GRM5: variants seen among roughly 807,000 people sequenced by gnomAD.
GRM5 encodes metabotropic glutamate receptor 5.
A neutral mutation model predicts 83.1 loss-of-function variants in GRM5; 19 were observed. The ratio of observed to expected loss-of-function variants is 0.23; its 90% CI spans 0.16 to 0.34. GRM5 has a LOEUF of 0.34. Ranked by LOEUF, GRM5 falls within the 10% of genes least tolerant of loss-of-function variation. GRM5 has a pLI of 1.00. For synonymous variants in GRM5, 675 were observed against 633.6 expected (o/e 1.07, Z -0.98); for missense variants, 1,160 against 1,588.3 (o/e 0.73, Z 4.58).
At chr11:88,944,423 G>GAT (rs929682511) in intron 2 of GRM5, among the ~76,000 whole-genome samples, 144 of 151,652 alleles carry the variant, frequency 9.5e-4, no homozygotes, top group African/African-American at 3.4e-3. Flanking sequence ...ATGATATTTT[G>GAT]ATATATATAT....
chr11:88,844,227 A>T (rs1378626986), intron 3 of GRM5, among the ~76,000 whole-genome samples: 4 of 152,144 alleles, frequency 2.6e-5, no homozygotes, highest in Non-Finnish European at 5.9e-5. Flanking sequence ...TTCTGAGAAG[A>T]CTAGGAAACT....
intron 2 of GRM5, among the ~76,000 whole-genome samples, chr11:88,856,246 C>G (rs546019820): frequency 4.0e-4 from 61 of 152,102 alleles, no homozygotes; most frequent in African/African-American, 1.4e-3. Flanking sequence ...GTAAAATTTT[C>G]TTTCCTTATG....
At chr11:88,821,115 A>T (rs984400204) in intron 3 of GRM5, among the ~76,000 whole-genome samples, 1 of 152,108 alleles carries the variant, frequency 6.6e-6, no homozygotes, top group Non-Finnish European at 1.5e-5. Flanking sequence ...AAAGGGCTCT[A>T]CATCAGTGTT....
intron 3 of GRM5, among the ~76,000 whole-genome samples, chr11:88,717,198 A>G (rs1375195345): frequency 2.6e-5 from 4 of 151,936 alleles, no homozygotes; most frequent in East Asian, 1.9e-4. Flanking sequence ...GATAATCAAT[A>G]TAATGGCCAT....
intron 3 of GRM5, among the ~76,000 whole-genome samples, chr11:88,786,033 G>A (rs1049758937): frequency 5.3e-5 from 8 of 152,196 alleles, no homozygotes; most frequent in African/African-American, 1.9e-4. Flanking sequence ...TACATTTTCT[G>A]TTCTCTGCTT....
At chr11:88,996,933 T>A (rs1194905086) in intron 2 of GRM5, among the ~76,000 whole-genome samples, 5 of 152,250 alleles carry the variant, frequency 3.3e-5, no homozygotes, top group Non-Finnish European at 7.3e-5. Flanking sequence ...AGAACTTTTT[T>A]AAATCATTGA....
chr11:88,864,066 T>C (rs554027608), intron 2 of GRM5, among the ~76,000 whole-genome samples: 1 of 149,016 alleles, frequency 6.7e-6, no homozygotes, highest in Non-Finnish European at 1.5e-5. Context: ...GTTCATAAAG[T>C]ATAATTTAAA....
At chr11:88,525,258 G>A in intron 9 of GRM5, 51 bp downstream of exon 9, 2 of 1,049,642 alleles carry the variant, frequency 1.9e-6, no homozygotes, top group Non-Finnish European at 1.5e-6. Context: ...TGTTCCTCTA[G>A]CTTGCATACA....
chr11:88,641,157 T>A (rs1230007963), intron 4 of GRM5, among the ~76,000 whole-genome samples: 4 of 151,982 alleles, frequency 2.6e-5, no homozygotes, highest in Admixed American at 6.6e-5. Flanking sequence ...ACACATCACA[T>A]GCCAGAGCAG....
At chr11:88,779,975 C>T (rs1440684038) in intron 3 of GRM5, among the ~76,000 whole-genome samples, 4 of 152,146 alleles carry the variant, frequency 2.6e-5, no homozygotes, top group Non-Finnish European at 5.9e-5. Context: ...CTTTAATCTC[C>T]TCAGAATCCA....
At chr11:88,681,565 C>CTTTTTTTTTTTTTTCTT in intron 3 of GRM5, among the ~76,000 whole-genome samples, 1 of 25,402 alleles carries the variant, frequency 3.9e-5, no homozygotes, top group Non-Finnish European at 7.9e-5. Context: ...TGAGTTCTTC[C>CTTTTTTTTTTTTTTCTT]TTTTTTTTTT....
chr11:88,882,297 A>AACAG (rs1222038928), intron 2 of GRM5, among the ~76,000 whole-genome samples: 1 of 151,484 alleles, frequency 6.6e-6, no homozygotes, highest in African/African-American at 2.4e-5. Flanking sequence ...CATGCCTGTA[A>AACAG]TCCCAGCACT....
chr11:88,908,565 G>A (rs183569521), intron 2 of GRM5, among the ~76,000 whole-genome samples: 4 of 152,104 alleles, frequency 2.6e-5, no homozygotes, highest in Non-Finnish European at 5.9e-5. Context: ...AAAAATAAGA[G>A]GCTATTTTTT....
chr11:89,023,277 C>T (rs1941035667), intron 2 of GRM5, among the ~76,000 whole-genome samples: 1 of 152,018 alleles, frequency 6.6e-6, no homozygotes, highest in Non-Finnish European at 1.5e-5. Flanking sequence ...TTTCTTTTGT[C>T]TCTGCTTTCC....
At chr11:88,962,987 G>T (rs184080660) in intron 2 of GRM5, among the ~76,000 whole-genome samples, 2 of 152,324 alleles carry the variant, frequency 1.3e-5, no homozygotes, top group Non-Finnish European at 2.9e-5. Flanking sequence ...TACTCAGGAG[G>T]CTGAGGCAGG....
At chr11:88,802,723 T>C (rs1219710642) in intron 3 of GRM5, among the ~76,000 whole-genome samples, 1 of 150,886 alleles carries the variant, frequency 6.6e-6, no homozygotes, top group Non-Finnish European at 1.5e-5. Context: ...GGTATTCAAT[T>C]AGGAAAAGAG....
intron 3 of GRM5, among the ~76,000 whole-genome samples, chr11:88,672,933 G>A (rs879942003): frequency 1.3e-5 from 2 of 151,874 alleles, no homozygotes; most frequent in Non-Finnish European, 2.9e-5. Context: ...TTACTGTATC[G>A]AGTCTTGAAG....
At chr11:88,556,846 G>A (rs1198429499) in intron 8 of GRM5, among the ~76,000 whole-genome samples, 2 of 152,120 alleles carry the variant, frequency 1.3e-5, no homozygotes, top group African/African-American at 2.4e-5. Flanking sequence ...GAGAGACACC[G>A]ACGGCTACCT....
chr11:88,724,906 C>T (rs1051184362), intron 3 of GRM5, among the ~76,000 whole-genome samples: 4 of 152,108 alleles, frequency 2.6e-5, no homozygotes, highest in African/African-American at 9.7e-5. Context: ...CTTCACAACC[C>T]GCAGACCAGA....
Sources: gnomAD v4.1 joint callset for allele counts (sites outside exome capture counted in the v4.1 genomes callset) on GRCh38, gnomAD v4.1.1 for gene constraint, MANE v1.5 for transcripts, NCBI Gene and HGNC (gene_info 2026-07-23, HGNC 2026-07-21) for gene names.